The following FAIM2 variants were observed in gnomAD, a reference collection of about 807,000 sequenced individuals.
FAIM2 encodes Fas apoptotic inhibitory molecule 2.
FAIM2 carries 27 observed loss-of-function variants against 47.4 expected under a neutral mutation model. The observed-to-expected ratio is 0.57, with a 90% CI of 0.42 to 0.78. The LOEUF (loss-of-function observed/expected upper bound fraction) is 0.78, where lower values mean the gene tolerates loss of function less well. FAIM2 is among the 30% of genes least tolerant of loss of function. FAIM2 has a pLI of 0.00. For synonymous variants in FAIM2, 156 were observed against 159.3 expected, an observed-to-expected ratio of 0.98 and a Z score of 0.16; for missense variants, 311 against 389.4, an observed-to-expected ratio of 0.80 and a Z score of 1.69.
chr12:49,903,021 C>T (rs369373975), intron 1 of FAIM2: 1 of 152,036 alleles, frequency 6.6e-6, no homozygotes, highest in African/African-American at 2.4e-5. Context: ...TCTGCCCAAT[C>T]CTTAGCAACC....
intron 1 of FAIM2, 43 bp from the exon 2 acceptor site, chr12:49,901,368 G>A: frequency 6.9e-7 from 1 of 1,439,224 alleles, no homozygotes; most frequent in East Asian, 2.6e-5. Flanking sequence ...CCAGGGAAAG[G>A]GAGCCTTCCA....
At chr12:49,876,599 TA>T (rs149137663) in intron 11 of FAIM2, among the ~76,000 whole-genome samples, 35,995 of 143,084 alleles carry the variant, frequency 0.25, 4,741 homozygotes, top group East Asian at 0.41. Context: ...CCGTCTCTAC[TA>T]AAAAAAAAAA....
Position 49,870,569 on chromosome 12 carries a change from T to G in FAIM2, c.886A>C (p.Ile296Leu), listed in dbSNP as rs1592781810. 6.2e-7 allele frequency: 1 copy of G among 1,613,654 alleles called. No individual in the cohort carries two copies. The highest frequency in any genetic ancestry group is 8.5e-7 in the Non-Finnish European group (1 of 1,179,826). Residue 296 changes from isoleucine to leucine, a missense_variant, in exon 12 of 12, where the codon ATT (isoleucine) becomes CTT (leucine). Ile to Leu is a conservative substitution (Grantham distance 5, BLOSUM62 2). Coordinates refer to ENST00000320634, the MANE Select transcript of FAIM2 (RefSeq NM_012306.4). Reference sequence around the variant, plus strand: ...AAGATATAGATGATGTCTAGGTAAATGTTGAGGGCTCCAAAAATATACTCC... The same window carrying G: ...AAGATATAGATGATGTCTAGGTAAAGGTTGAGGGCTCCAAAAATATACTCC... ...PEEYIFGALNIYLDIIYIFTF... is the reference protein window; with the variant it reads ...PEEYIFGALNLYLDIIYIFTF...
In FAIM2 at chr12:49,889,135, A is replaced by G. The variant is rs766216160; in HGVS notation, c.719T>C (p.Ile240Thr). 6.2e-7 allele frequency: 1 copy of G among 1,611,874 alleles called. No homozygotes were observed. Among genetic ancestry groups the G allele is most frequent in the Non-Finnish European group, 8.5e-7 (1 of 1,179,090 alleles). The part of the protein sequence containing the change: ...LLMTLFFSGL[I>T]LAILLPFQYV... ...TTGGAAGGGTAGGAGGATGGCCAGG[A>G]TGAGTCCGCTGAAGAAAAGAGTCAT... The change falls in exon 10 of 12, where the codon ATC (isoleucine) becomes ACC (threonine). Residue 240 changes from isoleucine to threonine, a missense_variant. Coordinates refer to ENST00000320634, the MANE Select transcript of FAIM2 (RefSeq NM_012306.4).
At chr12:49,884,075 T>G (rs1249599696) in intron 11 of FAIM2, among the ~76,000 whole-genome samples, 1 of 151,762 alleles carries the variant, frequency 6.6e-6, no homozygotes, top group African/African-American at 2.4e-5. Context: ...TACAAAAAAA[T>G]TAGCCAGGCA....
chr12:49,890,924 C>T (rs1946895611), intron 6 of FAIM2, 140 bp downstream of exon 6: 2 of 910,334 alleles, frequency 2.2e-6, no homozygotes, highest in Non-Finnish European at 3.6e-6. Flanking sequence ...GAGGGAGGGG[C>T]TGCCTGCTCG....
At chr12:49,898,212 C>G in intron 2 of FAIM2, 122 bp from the exon 3 acceptor site, 1 of 372,436 alleles carries the variant, frequency 2.7e-6, no homozygotes. Flanking sequence ...TGAAGTCTTT[C>G]TCTCCTGCCC....
In FAIM2 at chr12:49,870,521, C is replaced by A; in HGVS notation, c.934G>T (p.Gly312Cys). 1.2e-6 allele frequency: 2 copies of A among 1,613,752 alleles called. No homozygotes were observed. Among genetic ancestry groups the A allele is most frequent in the Non-Finnish European group, 8.5e-7 (1 of 1,179,840 alleles). Residue 312 changes from glycine to cysteine, a missense_variant, in exon 12 of 12, where the codon GGC becomes TGC. Coordinates refer to ENST00000320634, the MANE Select transcript of FAIM2 (RefSeq NM_012306.4). ...YIFTFFLQLF[G>C]TNRE ...AGGGCTCCTCATTCTCGGTTAGTGC[C>A]AAAAAGCTGCAGGAAGAAGGTGAAG...
rs750629075 is a variant in FAIM2 at position 49,898,108 on chromosome 12, G to A, written c.212-18C>T. 1.3e-6 allele frequency: 2 copies of A among 1,592,976 alleles called. No individual in the cohort carries two copies. The highest frequency in any genetic ancestry group is 3.3e-5 in the Admixed American group (2 of 59,994). On this transcript the variant is annotated intron_variant, in intron 2 of 11. Coordinates refer to ENST00000320634, the MANE Select transcript of FAIM2 (RefSeq NM_012306.4). Reference sequence around the variant, plus strand: ...GCTGCTGCCTGTGTGGCACGTGGAGGAGGAGGACATGAGGGTTCCCCCTAC... The same window carrying A: ...GCTGCTGCCTGTGTGGCACGTGGAGAAGGAGGACATGAGGGTTCCCCCTAC...
At chr12:49,878,622 A>ATGTGTATGTGTGCATG (rs1565613416) in intron 11 of FAIM2, among the ~76,000 whole-genome samples, 2 of 70,568 alleles carry the variant, frequency 2.8e-5, no homozygotes, top group Admixed American at 1.4e-4. Flanking sequence ...ATGTGTGCAT[A>ATGTGTATGTGTGCATG]TGTGTATGTA....
At chr12:49,896,035 C>T (rs1367675132) in intron 5 of FAIM2, among the ~76,000 whole-genome samples, 1 of 152,258 alleles carries the variant, frequency 6.6e-6, no homozygotes, top group African/African-American at 2.4e-5. Context: ...ACGCTGTCTC[C>T]TGTCTTCATG....
At chr12:49,876,963 T>G (rs964610499) in intron 11 of FAIM2, among the ~76,000 whole-genome samples, 1 of 152,026 alleles carries the variant, frequency 6.6e-6, no homozygotes, top group Non-Finnish European at 1.5e-5. Flanking sequence ...GGTCACAGAA[T>G]GGTAAGAGGA....
chr12:49,886,618 G>A (rs1946863447), intron 11 of FAIM2, among the ~76,000 whole-genome samples: 1 of 152,092 alleles, frequency 6.6e-6, no homozygotes, highest in Admixed American at 6.6e-5. Flanking sequence ...TGGAATACAG[G>A]CGCCCGCCAC....
rs749548027 is a variant in FAIM2, at chr12:49,874,394, G to A, written c.802-3741C>T. 1.3e-4 allele frequency among the ~76,000 whole-genome samples: 20 copies of A among 152,180 alleles called. No individual in the cohort carries two copies. The highest frequency in any genetic ancestry group is 1.9e-4 in the Non-Finnish European group (13 of 68,028). On this transcript the variant is annotated intron_variant, in intron 11 of 11. Coordinates refer to ENST00000320634, the MANE Select transcript of FAIM2 (RefSeq NM_012306.4). The surrounding 1 kb of genome is among the most constrained non-coding windows in gnomAD (Gnocchi z 4.2). ...TGCTGATGGCTGCTTATCGAGTGCC[G>A]TCTCCTATGCTGGTGGAGATAGGGG...
intron 5 of FAIM2, 74 bp from the exon 6 acceptor site, chr12:49,891,188 C>T: frequency 7.3e-7 from 1 of 1,362,122 alleles, no homozygotes; most frequent in South Asian, 1.2e-5. Flanking sequence ...CTGCTTATGC[C>T]ACTCTCTGCC....
At position 49,869,081 on chromosome 12, in the gene FAIM2, T is replaced by G. The variant is rs554002763; in HGVS notation, c.*1423A>C. ...CTGCTAGCCACTCAGAGCCTTCCTGTATCCACACAGTAACTTTCCACTGGC... is the reference window on the plus strand; with the variant it reads ...CTGCTAGCCACTCAGAGCCTTCCTGGATCCACACAGTAACTTTCCACTGGC... On this transcript the variant is annotated 3_prime_UTR_variant, in exon 12 of 12. Transcript: ENST00000320634. 6.6e-6 allele frequency: 1 copy of G among 152,504 alleles called. No individual in the cohort carries two copies. Among genetic ancestry groups the G allele is most frequent in the African/African-American group, 2.4e-5 (1 of 41,452 alleles). 9.4% of individuals were successfully genotyped at this position (152,504 alleles called of 1,614,324 possible).
chr12:49,899,451 C>T (rs151328884), intron 2 of FAIM2, among the ~76,000 whole-genome samples: 28 of 152,316 alleles, frequency 1.8e-4, no homozygotes, highest in African/African-American at 5.5e-4. Flanking sequence ...AAAGCCTCCG[C>T]GGCCTCCCTG....
chr12:49,899,964 G>C (rs1025277074), intron 2 of FAIM2, among the ~76,000 whole-genome samples: 3 of 152,234 alleles, frequency 2.0e-5, no homozygotes, highest in African/African-American at 7.2e-5. Flanking sequence ...GAGGAAGGGG[G>C]AGAGAGGTAG....
rs1316624474 is a variant in FAIM2, at chr12:49,880,056, GTATT to G, written c.801+7326_801+7329del. ...TGAGTGTATATGCATGTGTATATAT[GTATT>G]TATTTGTGTGCATGAGTGTATGTGT... is the stretch of plus-strand genomic sequence containing the variant. On this transcript the variant is annotated intron_variant, in intron 11 of 11. Transcript: ENST00000320634. 3.8e-3 allele frequency among the ~76,000 whole-genome samples: 237 copies of G among 61,828 alleles called. 1 individual carries two copies. The highest frequency in any genetic ancestry group is 0.012 in the African/African-American group (124 of 10,162). 40.6% of individuals were successfully genotyped at this position (61,828 alleles called of 152,430 possible). A position where few individuals can be genotyped will look rare whatever the true frequency, so the allele number is the denominator to read the frequency against.
Sources: gnomAD v4.1 joint callset for allele counts (sites outside exome capture counted in the v4.1 genomes callset) on GRCh38, gnomAD v4.1.1 for gene constraint, Gnocchi (gnomAD v3.1) non-coding constraint, MANE v1.5 for transcripts, NCBI Gene and HGNC (gene_info 2026-07-23, HGNC 2026-07-21) for gene names.